Variants in SARM1 observed in about 807,000 individuals in gnomAD.
SARM1 encodes sterile alpha and TIR motif containing 1.
SARM1 carries 60 observed loss-of-function variants against 65.1 expected under a neutral mutation model. That is an observed-to-expected ratio of 0.92 (90% confidence interval 0.75 to 1.14). The LOEUF (loss-of-function observed/expected upper bound fraction) is 1.14, where lower values mean the gene tolerates loss of function less well. Ranked by LOEUF, SARM1 falls within the 50% of genes most tolerant of loss-of-function variation. The probability of loss-of-function intolerance (pLI) is 0.00; values close to 1 mark genes in which losing one functional copy is unlikely to be tolerated. For missense variants in SARM1, 913 were observed against 1,015.7 expected (o/e 0.90, Z 1.37); for synonymous variants, 417 against 465.4 (o/e 0.90, Z 1.34).
In SARM1 at chr17:28,385,027, C is replaced by A. The variant is rs782250232; in HGVS notation, c.1395-13C>A. 6.2e-7 allele frequency: 1 copy of A among 1,612,236 alleles called. No individual in the cohort carries two copies. The highest frequency in any genetic ancestry group is 2.2e-5 in the East Asian group (1 of 44,834). ...AGTCTGGACCTCAGCGTCTTCTCCT[C>A]CGTGGGGTGCAGGTTCTTTAGGGAG... On this transcript the variant is annotated splice_polypyrimidine_tract_variant and intron_variant, in intron 4 of 8. Transcript: ENST00000585482. The surrounding 1 kb of genome is among the most constrained non-coding windows in gnomAD (Gnocchi z 4.5).
At chr17:28,386,619 T>C (rs2068051417) in intron 5 of SARM1, 1 of 152,226 alleles carries the variant, frequency 6.6e-6, no homozygotes, top group African/African-American at 2.4e-5. Flanking sequence ...AATTACAGAC[T>C]AAGCACCCAC....
At position 28,372,336 on chromosome 17, in the gene SARM1, GC is replaced by G; in HGVS notation, c.306del (p.Trp103GlyfsTer10). On this transcript the variant is annotated frameshift_variant, in exon 1 of 9. Coordinates refer to ENST00000585482, the MANE Select transcript of SARM1 (RefSeq NM_015077.4). LOFTEE classifies it high-confidence loss of function. The surrounding 1 kb of genome is among the most constrained non-coding windows in gnomAD (Gnocchi z 5.2). Reference protein sequence around the residue: ...LAEVFQLVEEAWLLPAVGREV... With the variant: ...LAEVFQLVEEXWLLPAVGREV... ...CGAGGTCTTCCAACTGGTGGAGGAG[GC>G]CTGGCTGCTGCCGGCCGTGGGCCGC... 1 of 1,495,366 alleles carries G rather than the reference GC, an allele frequency of 6.7e-7. No individual in the cohort carries two copies. Among genetic ancestry groups the G allele is most frequent in the Non-Finnish European group, 8.9e-7 (1 of 1,128,716 alleles). The allele number at this position is 1,495,366 out of a possible 1,614,324, so 92.6% of individuals were successfully genotyped here.
intron 5 of SARM1, among the ~76,000 whole-genome samples, chr17:28,386,929 G>A (rs1224859661): frequency 6.6e-6 from 1 of 152,120 alleles, no homozygotes; most frequent in Admixed American, 6.6e-5. Flanking sequence ...TGTGGAGACA[G>A]GGTTTCACTA....
intron 2 of SARM1, among the ~76,000 whole-genome samples, chr17:28,382,826 A>G (rs558957210): frequency 1.5e-4 from 15 of 102,926 alleles, no homozygotes; most frequent in African/African-American, 4.8e-4. Flanking sequence ...AGCTGGGACT[A>G]CAAGCACGCA....
chr17:28,392,935 T>C (rs1555587122), intron 7 of SARM1, among the ~76,000 whole-genome samples: 1 of 152,140 alleles, frequency 6.6e-6, no homozygotes, highest in East Asian at 1.9e-4. Context: ...TGAAGCCACA[T>C]TAGTGGGTAA....
intron 1 of SARM1, among the ~76,000 whole-genome samples, chr17:28,375,686 C>A (rs1336789115): frequency 6.6e-6 from 1 of 151,550 alleles, no homozygotes; most frequent in Non-Finnish European, 1.5e-5. Context: ...AAAAGTTATT[C>A]TCAGCCAGGC....
rs1341697060 is a variant in SARM1, at chr17:28,385,489, G to A, written c.1630+214G>A. The A allele has an allele frequency of 1.7e-6, 1 of 574,606 alleles. No homozygotes were observed. The highest frequency in any genetic ancestry group is 3.0e-6 in the Non-Finnish European group (1 of 328,318). 35.6% of individuals were successfully genotyped at this position (574,606 alleles called of 1,614,324 possible). A position where few individuals can be genotyped will look rare whatever the true frequency, so the allele number is the denominator to read the frequency against. ...GAGGTGGGTAGGCGGTGGGAGGAAG[G>A]AGGCTATTAAACAGGCAAGCGGCCC... On this transcript the variant is annotated intron_variant, in intron 5 of 8. Transcript: ENST00000585482. This position sits in a 1 kb window ranked among gnomAD's most constrained non-coding sequence, Gnocchi z 4.5.
In SARM1 at chr17:28,384,444, G is replaced by C. The variant is rs782190284; in HGVS notation, c.1177G>C (p.Ala393Pro). Residue 393 changes from alanine to proline, a missense_variant, in exon 3 of 9, where the codon GCG (alanine) becomes CCG (proline). Around this residue, in one of 3 missense-constraint regions of SARM1, gnomAD observed 862 missense variants for 952.1 expected, o/e 0.91. Transcript: ENST00000585482. The surrounding 1 kb of genome is among the most constrained non-coding windows in gnomAD (Gnocchi z 4.4). ...CACTAAGTCGGCGCTGGCCAAGCGC[G>C]CGCTGCGCCTGCTGGGCGAGGAGGT... ...NGTKSALAKR[A>P]LRLLGEEVPR... 5 of 1,613,384 alleles carry C rather than the reference G, an allele frequency of 3.1e-6. No individual in the cohort carries two copies. Among genetic ancestry groups the C allele is most frequent in the Non-Finnish European group, 4.2e-6 (5 of 1,179,596 alleles).
Position 28,399,882 on chromosome 17 carries a change from G to A in SARM1, c.*3596G>A, listed in dbSNP as rs1233491481. 2 of 670,958 alleles carry A rather than the reference G, an allele frequency of 3.0e-6. No individual in the cohort carries two copies. The highest frequency in any genetic ancestry group is 2.7e-5 in the East Asian group (1 of 36,672). The allele number at this position is 670,958 out of a possible 1,614,324, so 41.6% of individuals were successfully genotyped here. ...GCTGGAGGACAATATCCAGGGACAT[G>A]GCTCTGGAAAATAACTTTTTTTTTT... On this transcript the variant is annotated 3_prime_UTR_variant, in exon 9 of 9. Transcript: ENST00000585482.
rs782337625 is a variant in SARM1, at chr17:28,399,635, C to T, written c.*3349C>T. The T allele has an allele frequency of 1.2e-6, 2 of 1,613,906 alleles. No individual in the cohort carries two copies. The highest frequency in any genetic ancestry group is 1.7e-6 in the Non-Finnish European group (2 of 1,179,822). ...GTGTTCACTTTGCTCCTCTTGCCCT[C>T]TGTCTTCTGGTCCAGGCAGATCAGG... On this transcript the variant is annotated 3_prime_UTR_variant, in exon 9 of 9. Transcript: ENST00000585482.
At chr17:28,376,896 T>G (rs2067993672) in intron 1 of SARM1, among the ~76,000 whole-genome samples, 1 of 152,046 alleles carries the variant, frequency 6.6e-6, no homozygotes, top group Non-Finnish European at 1.5e-5. Flanking sequence ...CTCAAGTGAT[T>G]CTCATGCCTC....
chr17:28,396,352 C>T lies in SARM1; in HGVS notation c.*66C>T, dbSNP rs571843095. The T allele has an allele frequency of 6.7e-5, 106 of 1,592,692 alleles. No homozygotes were observed. The African/African-American group carries it at 1.3e-3, about 19-fold the overall frequency. On this transcript the variant is annotated 3_prime_UTR_variant, in exon 9 of 9. Transcript: ENST00000585482. ...CATCGTCCTTTCTGAAGGAACAGCTCCTGAAACCAGTCTCCCTGGGCTGAG... is the reference window on the plus strand; with the variant it reads ...CATCGTCCTTTCTGAAGGAACAGCTTCTGAAACCAGTCTCCCTGGGCTGAG...
intron 1 of SARM1, among the ~76,000 whole-genome samples, chr17:28,380,681 C>T (rs1555585091): frequency 6.6e-6 from 1 of 152,072 alleles, no homozygotes; most frequent in Non-Finnish European, 1.5e-5. Context: ...GAGTGGTGTG[C>T]TTCAAGTGAC....
In SARM1 at chr17:28,372,082, C is replaced by G; in HGVS notation, c.50C>G (p.Ala17Gly). ...GCCTACAAGCTGTGTCGCTTCTTCGCCATGTCGGGCCCACGGCCGGGCGCC... is the reference window on the plus strand; with the variant it reads ...GCCTACAAGCTGTGTCGCTTCTTCGGCATGTCGGGCCCACGGCCGGGCGCC... ...LSAYKLCRFF[A>G]MSGPRPGAER... The change falls in exon 1 of 9, where the codon GCC becomes GGC. Residue 17 changes from alanine to glycine, a missense_variant. Physicochemically the swap from Ala to Gly is moderately conservative, Grantham distance 60. This residue lies in a region of SARM1 where 39 missense variants were observed against 32.0 expected (regional missense o/e 1.22). Transcript: ENST00000585482. The surrounding 1 kb of genome is among the most constrained non-coding windows in gnomAD (Gnocchi z 5.2). 1 of 1,497,390 alleles carries G rather than the reference C, an allele frequency of 6.7e-7. No individual in the cohort carries two copies. Among genetic ancestry groups the G allele is most frequent in the South Asian group, 1.2e-5 (1 of 81,338 alleles). The allele number at this position is 1,497,390 out of a possible 1,614,324, so 92.8% of individuals were successfully genotyped here.
At chr17:28,376,917 G>A (rs1342426602) in intron 1 of SARM1, among the ~76,000 whole-genome samples, 1 of 151,964 alleles carries the variant, frequency 6.6e-6, no homozygotes, top group Non-Finnish European at 1.5e-5. Context: ...AGCCTCCCAA[G>A]TAGCTGGGAT....
rs373985027 is a variant in SARM1, at chr17:28,385,299, C to CGCCCCA, written c.1630+40_1630+45dup. On this transcript the variant is annotated intron_variant, in intron 5 of 8. Coordinates refer to ENST00000585482, the MANE Select transcript of SARM1 (RefSeq NM_015077.4). This position sits in a 1 kb window ranked among gnomAD's most constrained non-coding sequence, Gnocchi z 4.5. The stretch of plus-strand genomic sequence containing the variant: ...AGGTCAGCCCGCTCACCCGGGACCC[C>CGCCCCA]GCCCCAGCCCCAGCCCCAGCCACGG... The CGCCCCA allele has an allele frequency of 1.0e-3, 1,550 of 1,483,790 alleles. 20 individuals carry two copies. In the African/African-American group the frequency reaches 0.017, roughly 16 times the overall value. 91.9% of individuals were successfully genotyped at this position (1,483,790 alleles called of 1,614,324 possible).
At chr17:28,395,790 C>A in intron 7 of SARM1, 115 bp from the exon 8 acceptor site, 1 of 1,095,154 alleles carries the variant, frequency 9.1e-7, no homozygotes, top group South Asian at 1.3e-5. Context: ...GACATCAGGA[C>A]TGGTGTCCTG....
Position 28,402,400 on chromosome 17 carries a change from C to T in SARM1, c.*6114C>T. The T allele has an allele frequency of 8.0e-7, 1 of 1,250,920 alleles. No individual in the cohort carries two copies. The highest frequency in any genetic ancestry group is 1.1e-6 in the Non-Finnish European group (1 of 871,658). 77.5% of individuals were successfully genotyped at this position (1,250,920 alleles called of 1,614,324 possible). A position where few individuals can be genotyped will look rare whatever the true frequency, so the allele number is the denominator to read the frequency against. ...AAGGGAAAGGCAGCAGAGCTCCTAT[C>T]CATACCCCACGTGGGGCTTAGGTTA... On this transcript the variant is annotated 3_prime_UTR_variant, in exon 9 of 9. Coordinates refer to ENST00000585482, the MANE Select transcript of SARM1 (RefSeq NM_015077.4).
chr17:28,381,130 A>C, intron 1 of SARM1, 73 bp from the exon 2 acceptor site: 4 of 1,495,718 alleles, frequency 2.7e-6, no homozygotes, highest in Non-Finnish European at 3.6e-6. Context: ...GTTAGTGACC[A>C]GGCCCCAAAC....
Sources: allele counts gnomAD v4.1 joint callset (sites outside exome capture counted in the v4.1 genomes callset), GRCh38; gene constraint gnomAD v4.1.1; regional missense constraint gnomAD v4.1.1; non-coding constraint Gnocchi (gnomAD v3.1); transcripts MANE v1.5; gene names NCBI Gene and HGNC (gene_info 2026-07-23, HGNC 2026-07-21).